VWF: variants seen among roughly 807,000 people sequenced by gnomAD.
VWF encodes Factor VIII related antigen.
A neutral mutation model predicts 308.6 loss-of-function variants in VWF; 176 were observed. That is an observed-to-expected ratio of 0.57 (90% CI 0.50 to 0.65). The LOEUF (loss-of-function observed/expected upper bound fraction) is 0.65. VWF is among the 30% of genes least tolerant of loss of function. The pLI is 0.00. For missense variants in VWF, 3,146 were observed against 3,648.2 expected (o/e 0.86, Z 3.55); for synonymous variants, 1,385 against 1,443.4 (o/e 0.96, Z 0.92).
At chr12:6,002,736 TA>T (rs1328669546) in intron 34 of VWF, among the ~76,000 whole-genome samples, 5 of 152,160 alleles carry the variant, frequency 3.3e-5, no homozygotes, top group Non-Finnish European at 7.4e-5. Context: ...GAAATTTTCC[TA>T]AACTTCCAAA....
rs1944164657 is a variant in VWF at position 6,024,051 on chromosome 12, G to A, written c.3223-264C>T. ...CAATGAGCCTGAGGATTTTCCAGAA[G>A]AACATTCCCTCTGTCCCTCTGCCTA... On this transcript the variant is annotated intron_variant, in intron 24 of 51. Coordinates refer to ENST00000261405, the MANE Select transcript of VWF (RefSeq NM_000552.5). The surrounding 1 kb of genome is among the most constrained non-coding windows in gnomAD (Gnocchi z 4.0). Among the ~76,000 whole-genome samples, 1 of 152,208 alleles carries A rather than the reference G, an allele frequency of 6.6e-6. No homozygotes were observed. The highest frequency in any genetic ancestry group is 2.1e-4 in the South Asian group (1 of 4,830).
chr12:6,021,190 C>T (rs1396614435), intron 27 of VWF: 1 of 152,616 alleles, frequency 6.6e-6, no homozygotes, highest in African/African-American at 2.4e-5. Context: ...CAGCTGTGAC[C>T]ATAGCCCCTC....
At chr12:6,068,530 C>T (rs915048786) in intron 10 of VWF, among the ~76,000 whole-genome samples, 1 of 151,746 alleles carries the variant, frequency 6.6e-6, no homozygotes, top group African/African-American at 2.4e-5. Flanking sequence ...AGTGCAGTGG[C>T]GCCATCTCGG....
chr12:6,002,036 A>G (rs1270524945), intron 34 of VWF, among the ~76,000 whole-genome samples: 1 of 152,172 alleles, frequency 6.6e-6, no homozygotes. Context: ...GAAAATAATG[A>G]TAATAAATAC....
At chr12:6,036,692 G>A (rs1944341113) in intron 18 of VWF, among the ~76,000 whole-genome samples, 1 of 152,230 alleles carries the variant, frequency 6.6e-6, no homozygotes, top group African/African-American at 2.4e-5. Context: ...GCCCAGGCCA[G>A]GGCTTGGCAA....
rs1299497270 is a variant in VWF at position 6,058,520 on chromosome 12, G to A, written c.1534-476C>T. On this transcript the variant is annotated intron_variant, in intron 13 of 51. Coordinates refer to ENST00000261405, the MANE Select transcript of VWF (RefSeq NM_000552.5). This position sits in a 1 kb window ranked among gnomAD's most constrained non-coding sequence, Gnocchi z 4.9. ...TAGAAAGACTTCGCGTTGGTCACTC[G>A]GTGTGGGCCCAGCAGGCTGCCAGGT... 6.6e-6 allele frequency among the ~76,000 whole-genome samples: 1 copy of A among 152,134 alleles called. No homozygotes were observed. Among genetic ancestry groups the A allele is most frequent in the African/African-American group, 2.4e-5 (1 of 41,434 alleles).
At chr12:6,111,794 TGAAGAAAAAAAAAA>T in intron 3 of VWF, among the ~76,000 whole-genome samples, 1 of 151,006 alleles carries the variant, frequency 6.6e-6, no homozygotes, top group Non-Finnish European at 1.5e-5. Flanking sequence ...ACTAAAAATA[TGAAGAAAAAAAAAA>T]TTAGCCAGGC....
intron 5 of VWF, among the ~76,000 whole-genome samples, chr12:6,103,392 GTAT>G (rs1565390852): frequency 0.023 from 2,738 of 119,764 alleles, 127 homozygotes; most frequent in African/African-American, 0.11. Flanking sequence ...ACACGTGTGT[GTAT>G]ACACGTGTGT....
chr12:6,068,632 G>A (rs1419107661), intron 10 of VWF, among the ~76,000 whole-genome samples: 1 of 151,896 alleles, frequency 6.6e-6, no homozygotes, highest in African/African-American at 2.4e-5. Context: ...ACCATGCCCA[G>A]CTAATTTCTG....
At chr12:6,028,555 G>A (rs535131479) in intron 22 of VWF, among the ~76,000 whole-genome samples, 2 of 152,288 alleles carry the variant, frequency 1.3e-5, no homozygotes. Flanking sequence ...ACTAATAGCA[G>A]ATCTCTTGGC....
Position 5,990,891 on chromosome 12 carries a change from AAAAAAAAAAAAAAAAAAT to A in VWF, c.6798+910_6798+927del, listed in dbSNP as rs1365610558. Among the ~76,000 whole-genome samples, 208 of 121,432 alleles carry A rather than the reference AAAAAAAAAAAAAAAAAAT, an allele frequency of 1.7e-3. 18 individuals are homozygous for A. The East Asian group carries it at 0.022, about 13-fold the overall frequency. The allele number at this position is 121,432 out of a possible 152,430, so 79.7% of individuals were successfully genotyped here. On this transcript the variant is annotated intron_variant, in intron 38 of 51. Coordinates refer to ENST00000261405, the MANE Select transcript of VWF (RefSeq NM_000552.5). The stretch of plus-strand genomic sequence containing the variant: ...GCTAAAAAAAAAAAAAAAAAAAAAA[AAAAAAAAAAAAAAAAAAT>A]TTTGATGACTCAGTGACTCCCAAGC...
chr12:6,072,519 G>A (rs1944792852), intron 8 of VWF, 77 bp from the exon 9 acceptor site: 1 of 1,239,506 alleles, frequency 8.1e-7, no homozygotes, highest in South Asian at 1.2e-5. Context: ...GAATCCCCAG[G>A]GACAATGGTT....
chr12:6,025,848 G>C lies in VWF; in HGVS notation c.3108+58C>G, dbSNP rs545659060. The stretch of plus-strand genomic sequence containing the variant: ...TCCAGCCCCCATGACAATGGGGACA[G>C]AGGGACATTCCAGGAAGCAAGCTCT... On this transcript the variant is annotated intron_variant, in intron 23 of 51. Coordinates refer to ENST00000261405, the MANE Select transcript of VWF (RefSeq NM_000552.5). 4.3e-6 allele frequency: 7 copies of C among 1,612,994 alleles called. No homozygotes were observed. In the African/African-American group the frequency reaches 9.3e-5, roughly 22 times the overall value.
chr12:6,099,764 C>A (rs1414718928), intron 5 of VWF, among the ~76,000 whole-genome samples: 1 of 151,868 alleles, frequency 6.6e-6, no homozygotes, highest in Non-Finnish European at 1.5e-5. Flanking sequence ...AAGACTTAAA[C>A]GTTAGACCTA....
chr12:5,996,230 G>A lies in VWF; in HGVS notation c.5843-8C>T. 1 of 1,606,754 alleles carries A rather than the reference G, an allele frequency of 6.2e-7. No homozygotes were observed. Among genetic ancestry groups the A allele is most frequent in the East Asian group, 2.2e-5 (1 of 44,704 alleles). ...AGCTGCCTGTGCACACGCCTGGACA[G>A]AGAGAAGCAGAGGATGGATGCGACG... is the stretch of plus-strand genomic sequence containing the variant. On this transcript the variant is annotated splice_polypyrimidine_tract_variant and splice_region_variant and intron_variant, in intron 34 of 51. Transcript: ENST00000261405.
At chr12:6,065,393 G>T in intron 10 of VWF, 120 bp from the exon 11 acceptor site, 1 of 1,293,132 alleles carries the variant, frequency 7.7e-7, no homozygotes. Flanking sequence ...GACGTCCTTT[G>T]CCCAAACCAG....
At chr12:6,065,005 G>C in intron 11 of VWF, 132 bp downstream of exon 11, 1 of 1,342,222 alleles carries the variant, frequency 7.5e-7, no homozygotes, top group South Asian at 1.3e-5. Flanking sequence ...GGAGCTAACT[G>C]AAGTCTGGAA....
intron 34 of VWF, 94 bp downstream of exon 34, chr12:6,011,523 T>G: frequency 9.0e-7 from 1 of 1,105,616 alleles, no homozygotes; most frequent in East Asian, 2.6e-5. Flanking sequence ...AGGGTACTTC[T>G]GGGCTGGTGG....
intron 47 of VWF, 96 bp downstream of exon 47, chr12:5,967,388 TGA>T (rs565651433): frequency 1.0e-6 from 1 of 989,708 alleles, no homozygotes; most frequent in Non-Finnish European, 1.6e-6. Flanking sequence ...CAGAAAATAA[TGA>T]GAGATTTATT....
Sources: allele counts gnomAD v4.1 joint callset (sites outside exome capture counted in the v4.1 genomes callset), GRCh38; gene constraint gnomAD v4.1.1; non-coding constraint Gnocchi (gnomAD v3.1); transcripts MANE v1.5; gene names NCBI Gene and HGNC (gene_info 2026-07-23, HGNC 2026-07-21).